CLVS1: variants seen among roughly 807,000 people sequenced by gnomAD.
CLVS1 encodes clavesin 1.
In CLVS1, 10 loss-of-function variants were observed where a neutral mutation model predicts 33.1. The observed-to-expected ratio is 0.30, with a 90% CI of 0.19 to 0.51. The LOEUF is 0.51. CLVS1 is among the 20% of genes least tolerant of loss of function. CLVS1 has a pLI of 0.97. For synonymous variants in CLVS1, 163 were observed against 166.1 expected (o/e 0.98, Z 0.14); for missense variants, 343 against 433.4 (o/e 0.79, Z 1.85).
At position 61,232,034 on chromosome 8, in the gene CLVS1, T is replaced by TG. The variant is rs1259004204; in HGVS notation, c.-151-67643_-151-67642insG. ...TGAGGAAAGTTGTGGTTTTTTTTTT[T>TG]TTTTTTTTTTTTTTTTGTGAGATGG... On this transcript the variant is annotated intron_variant, in intron 2 of 2. Coordinates refer to the CLVS1 transcript ENST00000522621. 3.8e-3 allele frequency among the ~76,000 whole-genome samples: 503 copies of TG among 132,970 alleles called. 17 individuals are homozygous for TG. The highest frequency in any genetic ancestry group is 0.012 in the African/African-American group (378 of 30,796). 87.2% of individuals were successfully genotyped at this position (132,970 alleles called of 152,430 possible).
At chr8:61,173,986 C>T (rs1807061798) in intron 2 of CLVS1, among the ~76,000 whole-genome samples, 1 of 152,152 alleles carries the variant, frequency 6.6e-6, no homozygotes, top group South Asian at 2.1e-4. Flanking sequence ...TGCTGATTGG[C>T]AGTTTCTTGT....
chr8:61,360,454 A>G (rs1812928066), intron 2 of CLVS1, among the ~76,000 whole-genome samples: 1 of 152,190 alleles, frequency 6.6e-6, no homozygotes, highest in Middle Eastern at 3.2e-3. Context: ...TCAATCAATC[A>G]ATCAATCAAA....
At chr8:61,387,484 TTTTA>T (rs570904289) in intron 3 of CLVS1, among the ~76,000 whole-genome samples, 48 of 149,844 alleles carry the variant, frequency 3.2e-4, no homozygotes, top group East Asian at 1.8e-3. Context: ...TTTTTTTTTT[TTTTA>T]AATTTCAATA....
chr8:61,181,697 C>CTTTT lies in CLVS1; in HGVS notation c.-152+49854_-152+49857dup, dbSNP rs369025438. 3.1e-3 allele frequency among the ~76,000 whole-genome samples: 317 copies of CTTTT among 103,182 alleles called. 19 individuals carry two copies. The highest frequency in any genetic ancestry group is 4.1e-3 in the Non-Finnish European group (217 of 53,542). 67.7% of individuals were successfully genotyped at this position (103,182 alleles called of 152,430 possible). On this transcript the variant is annotated intron_variant, in intron 2 of 2. Coordinates refer to the CLVS1 transcript ENST00000522621. The stretch of plus-strand genomic sequence containing the variant: ...TACCACACATCTACAACCATCTGAT[C>CTTTT]TTTTTTTTTTTTTTTTTTTTGAGAT...
intron 1 of CLVS1, among the ~76,000 whole-genome samples, chr8:61,082,386 T>A (rs887183714): frequency 1.3e-5 from 2 of 151,750 alleles, no homozygotes; most frequent in Admixed American, 6.6e-5. Context: ...TTTGAGGGAA[T>A]AATGACTGAG....
rs1813676463 is a variant in CLVS1, at chr8:61,377,105, G to T, written c.630+326G>T. On this transcript the variant is annotated intron_variant, in intron 3 of 5. Transcript: ENST00000325897. ...TAGGAAACATCTGCTTTATGATCAT[G>T]TCATATACAGGGGTGGCATGGGGCT... 4 of 217,686 alleles carry T rather than the reference G, an allele frequency of 1.8e-5. No homozygotes were observed. The Admixed American group carries it at 2.1e-4, about 12-fold the overall frequency. 13.5% of individuals were successfully genotyped at this position (217,686 alleles called of 1,614,324 possible).
At chr8:61,368,304 G>A (rs758190757) in intron 2 of CLVS1, among the ~76,000 whole-genome samples, 4 of 152,222 alleles carry the variant, frequency 2.6e-5, no homozygotes, top group Admixed American at 6.5e-5. Flanking sequence ...TTTAAGTGGT[G>A]GATATGAATG....
At chr8:61,460,734 C>T (rs912137355) in intron 5 of CLVS1, among the ~76,000 whole-genome samples, 4 of 152,172 alleles carry the variant, frequency 2.6e-5, no homozygotes, top group African/African-American at 9.7e-5. Flanking sequence ...AGTCAGCAAG[C>T]AAAATGCTTG....
intron 1 of CLVS1, among the ~76,000 whole-genome samples, chr8:61,114,914 G>A (rs894560069): frequency 6.6e-6 from 1 of 152,174 alleles, no homozygotes; most frequent in Non-Finnish European, 1.5e-5. Flanking sequence ...AGTATAAGAT[G>A]GCACTGGAAG....
chr8:61,299,660 G>T lies in CLVS1; in HGVS notation c.-151-17G>T. 1 of 584,236 alleles carries T rather than the reference G, an allele frequency of 1.7e-6. No homozygotes were observed. Among genetic ancestry groups the T allele is most frequent in the Non-Finnish European group, 3.0e-6 (1 of 330,640 alleles). 36.2% of individuals were successfully genotyped at this position (584,236 alleles called of 1,614,324 possible). A position where few individuals can be genotyped will look rare whatever the true frequency, so the allele number is the denominator to read the frequency against. ...ATCATCTCTCTTCTGTTTCTTTTGTGTGTATTTGTTTTTCAGTAAGCAATG... is the reference window on the plus strand; with the variant it reads ...ATCATCTCTCTTCTGTTTCTTTTGTTTGTATTTGTTTTTCAGTAAGCAATG... On this transcript the variant is annotated splice_polypyrimidine_tract_variant and intron_variant, in intron 1 of 5. Transcript: ENST00000325897.
At chr8:61,009,862 C>G in the CLVS1 span, among the ~76,000 whole-genome samples, 9 of 152,342 alleles carry the variant, frequency 5.9e-5, no homozygotes, top group African/African-American at 2.2e-4. Context: ...GGATTAACTT[C>G]CTGTGGAAAA....
At chr8:61,175,742 C>G (rs1004560888) in intron 2 of CLVS1, among the ~76,000 whole-genome samples, 1 of 152,134 alleles carries the variant, frequency 6.6e-6, no homozygotes. Context: ...AAAGTATGAT[C>G]CCCTAGACCC....
At chr8:61,385,608 C>T (rs1763186972) in intron 3 of CLVS1, among the ~76,000 whole-genome samples, 1 of 152,218 alleles carries the variant, frequency 6.6e-6, no homozygotes, top group Admixed American at 6.5e-5. Flanking sequence ...CTGTATCTTC[C>T]AGGCTGAGCT....
chr8:61,009,297 G>T, the CLVS1 span, among the ~76,000 whole-genome samples: 2 of 151,900 alleles, frequency 1.3e-5, no homozygotes, highest in Non-Finnish European at 1.5e-5. Context: ...ACAGGCACAT[G>T]CCAACACACC....
At chr8:61,117,185 T>A (rs1183313433) in intron 1 of CLVS1, among the ~76,000 whole-genome samples, 1 of 118,868 alleles carries the variant, frequency 8.4e-6, no homozygotes, top group East Asian at 2.5e-4. Flanking sequence ...CTGTTGTTGG[T>A]GTATAAGAAT....
chr8:61,400,095 A>G (rs1814690350), intron 3 of CLVS1, among the ~76,000 whole-genome samples: 1 of 152,200 alleles, frequency 6.6e-6, no homozygotes, highest in African/African-American at 2.4e-5. Flanking sequence ...TTTCATGGGT[A>G]TAGTATTGAA....
the CLVS1 span, among the ~76,000 whole-genome samples, chr8:60,989,080 A>T: frequency 6.6e-6 from 1 of 152,116 alleles, no homozygotes; most frequent in African/African-American, 2.4e-5. Flanking sequence ...TATGTTGCCC[A>T]GGCTGGCCTT....
intron 2 of CLVS1, among the ~76,000 whole-genome samples, chr8:61,245,162 C>T (rs942264022): frequency 6.6e-6 from 1 of 151,840 alleles, no homozygotes; most frequent in African/African-American, 2.4e-5. Context: ...GTTTTTCATC[C>T]TTCCACTTTC....
chr8:60,973,447 A>G, the CLVS1 span, among the ~76,000 whole-genome samples: 7 of 152,268 alleles, frequency 4.6e-5, no homozygotes, highest in Non-Finnish European at 8.8e-5. Context: ...CTGGTGGCTA[A>G]TCTGTATGGG....
Sources: allele counts gnomAD v4.1 joint callset (sites outside exome capture counted in the v4.1 genomes callset), GRCh38; gene constraint gnomAD v4.1.1; transcripts MANE v1.5; gene names NCBI Gene and HGNC (gene_info 2026-07-23, HGNC 2026-07-21).